Variants in GHRHR observed in about 807,000 individuals in gnomAD.
The protein encoded by GHRHR is growth hormone-releasing hormone receptor.
A neutral mutation model predicts 58.3 loss-of-function variants in GHRHR; 40 were observed. That is an observed-to-expected ratio of 0.69 (90% CI 0.53 to 0.89). The LOEUF is 0.89. Ranked by LOEUF, GHRHR falls within the 40% of genes least tolerant of loss-of-function variation. The probability of loss-of-function intolerance (pLI) is 0.00; values close to 1 mark genes in which losing one functional copy is unlikely to be tolerated. For synonymous variants in GHRHR, 249 were observed against 216.6 expected, an observed-to-expected ratio of 1.15 and a Z score of -1.31; for missense variants, 551 against 541.3, an observed-to-expected ratio of 1.02 and a Z score of -0.18.
chr7:30,974,730 G>C (rs1028935998), intron 8 of GHRHR, among the ~76,000 whole-genome samples: 14 of 152,158 alleles, frequency 9.2e-5, no homozygotes, highest in African/African-American at 3.4e-4. Flanking sequence ...AGCTGCCAGG[G>C]GGCCAGCAAG....
chr7:30,977,354 G>A, intron 12 of GHRHR, 32 bp downstream of exon 12: 1 of 1,602,796 alleles, frequency 6.2e-7, no homozygotes, highest in African/African-American at 1.3e-5. Context: ...CCCTCATGGA[G>A]TCCCCCTCCC....
At chr7:30,969,673 G>C in intron 3 of GHRHR, 194 bp from the exon 4 acceptor site, 1 of 653,218 alleles carries the variant, frequency 1.5e-6, no homozygotes, top group Non-Finnish European at 2.8e-6. Context: ...TTTGAAGCCA[G>C]AGAAGGAAGG....
chr7:30,971,497 C>A (rs1469158432), intron 5 of GHRHR, among the ~76,000 whole-genome samples: 1 of 152,206 alleles, frequency 6.6e-6, no homozygotes, highest in Non-Finnish European at 1.5e-5. Flanking sequence ...CAGCTCCTAT[C>A]TGCATCTGAC....
At chr7:30,968,767 A>G (rs1792411702) in intron 1 of GHRHR, 67 bp from the exon 2 acceptor site, 2 of 1,024,758 alleles carry the variant, frequency 2.0e-6, no homozygotes, top group African/African-American at 3.1e-5. Flanking sequence ...TTCTCAGGTC[A>G]TGTGGACCAC....
chr7:30,974,008 C>A lies in GHRHR; in HGVS notation c.621C>A (p.Ala207=). 6.2e-7 allele frequency: 1 copy of A among 1,613,770 alleles called. No homozygotes were observed. Among genetic ancestry groups the A allele is most frequent in the Non-Finnish European group, 8.5e-7 (1 of 1,179,976 alleles). The change falls in exon 7 of 13, where the codon GCC becomes GCA. Residue 207 remains alanine, a synonymous_variant. Coordinates refer to ENST00000326139, the MANE Select transcript of GHRHR (RefSeq NM_000823.4). Reference sequence around the variant, plus strand: ...AGGTTCTATGCAAGGTCTCTGTGGCCGCCTCCCATTTCGCCACCATGACCA... The same window carrying A: ...AGGTTCTATGCAAGGTCTCTGTGGCAGCCTCCCATTTCGCCACCATGACCA... The part of the protein sequence containing the change: ...FSTVLCKVSV[A]ASHFATMTNF...
At chr7:30,964,773 C>T (rs971749330) in intron 1 of GHRHR, among the ~76,000 whole-genome samples, 3 of 152,270 alleles carry the variant, frequency 2.0e-5, no homozygotes, top group East Asian at 1.9e-4. Context: ...TGGGCTAGAG[C>T]GCTGGAGCAC....
chr7:30,964,945 T>C (rs1792311333), intron 1 of GHRHR, among the ~76,000 whole-genome samples: 1 of 152,166 alleles, frequency 6.6e-6, no homozygotes, highest in South Asian at 2.1e-4. Context: ...TGGAGGGTGC[T>C]GCCCCTCCCG....
At position 30,975,058 on chromosome 7, in the gene GHRHR, T is replaced by C. The variant is rs34430645; in HGVS notation, c.882+18T>C. The C allele has an allele frequency of 1.1e-5, 17 of 1,559,726 alleles. No individual in the cohort carries two copies. Among genetic ancestry groups the C allele is most frequent in the Non-Finnish European group, 1.5e-5 (17 of 1,130,312 alleles). ...CGGTCGGGGTCAGTCCCTGGGCCAG[T>C]GCCCTTTGCTTTATTCAGTCAACTT... is the stretch of plus-strand genomic sequence containing the variant. On this transcript the variant is annotated intron_variant, in intron 9 of 12. Transcript: ENST00000326139.
intron 1 of GHRHR, among the ~76,000 whole-genome samples, chr7:30,965,463 C>T (rs551683386): frequency 6.6e-6 from 1 of 152,284 alleles, no homozygotes; most frequent in East Asian, 1.9e-4. Context: ...TTCGCCAGTC[C>T]TAATTCAGCA....
At position 30,976,477 on chromosome 7, in the gene GHRHR, C is replaced by T. The variant is rs1002859620; in HGVS notation, c.1023C>T (p.His341=). 1 of 1,612,974 alleles carries T rather than the reference C, an allele frequency of 6.2e-7. No individual in the cohort carries two copies. Among genetic ancestry groups the T allele is most frequent in the African/African-American group, 1.3e-5 (1 of 74,916 alleles). The stretch of plus-strand genomic sequence containing the variant: ...TCCTGATCCCACTCTTTGGAATTCA[C>T]TACATCATCTTCAACTTCCTGCCAG... ...TLFLIPLFGI[H]YIIFNFLPDN... Residue 341 remains histidine, a synonymous_variant, in exon 11 of 13, where the codon CAC becomes CAT. Coordinates refer to ENST00000326139, the MANE Select transcript of GHRHR (RefSeq NM_000823.4).
chr7:30,974,214 C>T (rs1792533016), intron 7 of GHRHR, 76 bp downstream of exon 7: 3 of 1,443,646 alleles, frequency 2.1e-6, no homozygotes, highest in South Asian at 2.3e-5. Flanking sequence ...CATAAAGGCC[C>T]CTCCACCTCA....
chr7:30,976,447 A>G lies in GHRHR; in HGVS notation c.993A>G (p.Thr331=), dbSNP rs1468191138. The stretch of plus-strand genomic sequence containing the variant: ...CCTGCAGGCGTCTCTCCAAGTCGAC[A>G]CTTTTCCTGATCCCACTCTTTGGAA... ...QSQYWRLSKS[T]LFLIPLFGIH... Residue 331 remains threonine, a synonymous_variant, in exon 11 of 13, where the codon ACA becomes ACG. Coordinates refer to ENST00000326139, the MANE Select transcript of GHRHR (RefSeq NM_000823.4). The G allele has an allele frequency of 1.2e-6, 2 of 1,613,672 alleles. No homozygotes were observed. The highest frequency in any genetic ancestry group is 1.1e-5 in the South Asian group (1 of 91,056).
rs746703614 is a variant in GHRHR, at chr7:30,969,907, G to C, written c.309G>C (p.Glu103Asp). 1.2e-6 allele frequency: 2 copies of C among 1,606,118 alleles called. No individual in the cohort carries two copies. The highest frequency in any genetic ancestry group is 2.2e-5 in the East Asian group (1 of 44,838). ...KRDCTITGWS[E>D]PFPPYPVACP... Reference sequence around the variant, plus strand: ...ATTGTACTATCACTGGCTGGTCTGAGCCCTTTCCACCTTACCCTGTGGCCT... The same window carrying C: ...ATTGTACTATCACTGGCTGGTCTGACCCCTTTCCACCTTACCCTGTGGCCT... Residue 103 changes from glutamate (E) to aspartate (D), a missense_variant, in exon 4 of 13, where the codon GAG (glutamate) becomes GAC (aspartate). Coordinates refer to ENST00000326139, the MANE Select transcript of GHRHR (RefSeq NM_000823.4).
At chr7:30,974,899 T>C in intron 8 of GHRHR, 72 bp from the exon 9 acceptor site, 1 of 974,968 alleles carries the variant, frequency 1.0e-6, no homozygotes. Flanking sequence ...CATGAATGCC[T>C]GAGAGGGAGG....
intron 10 of GHRHR, 48 bp downstream of exon 10, chr7:30,975,916 G>C (rs746138376): frequency 2.3e-5 from 23 of 1,013,632 alleles, no homozygotes; most frequent in Admixed American, 2.0e-4. Context: ...TAACTGGAGG[G>C]GGATTCAATG....
intron 1 of GHRHR, among the ~76,000 whole-genome samples, chr7:30,968,106 T>C (rs1165352736): frequency 6.6e-6 from 1 of 152,178 alleles, no homozygotes; most frequent in South Asian, 2.1e-4. Context: ...ATAAGGAGCC[T>C]TGCGATTACA....
At position 30,972,998 on chromosome 7, in the gene GHRHR, T is replaced by TC. The variant is rs199981804; in HGVS notation, c.597+908dup. On this transcript the variant is annotated intron_variant, in intron 6 of 12. Transcript: ENST00000326139. ...TGAGAATTCAAGTATAACTTTTGTG[T>TC]CCCCCAAACTTAACTATTGATTGCC... is the stretch of plus-strand genomic sequence containing the variant. Among the ~76,000 whole-genome samples, 430 of 152,274 alleles carry TC rather than the reference T, an allele frequency of 2.8e-3. 1 individual carries two copies. The highest frequency in any genetic ancestry group is 9.8e-3 in the African/African-American group (407 of 41,548).
rs376258046 is a variant in GHRHR at position 30,969,878 on chromosome 7, C to T, written c.280C>T (p.Arg94Trp). Reference protein sequence around the residue: ...HFSSESGAVKRDCTITGWSEP... With the variant: ...HFSSESGAVKWDCTITGWSEP... ...TGCTTGCCTCCCAGGGGCTGTGAAA[C>T]GGGATTGTACTATCACTGGCTGGTC... Residue 94 changes from arginine to tryptophan, a missense_variant, in exon 4 of 13, where the codon CGG becomes TGG. Arg to Trp is a moderately radical substitution (Grantham distance 101, BLOSUM62 -3). Transcript: ENST00000326139. 2.6e-5 allele frequency: 42 copies of T among 1,612,740 alleles called. No homozygotes were observed. Among genetic ancestry groups the T allele is most frequent in the Admixed American group, 1.5e-4 (9 of 60,000 alleles).
At position 30,968,873 on chromosome 7, in the gene GHRHR, C is replaced by T; in HGVS notation, c.97C>T (p.Gln33Ter). 6.2e-7 allele frequency: 1 copy of T among 1,613,906 alleles called. No homozygotes were observed. The highest frequency in any genetic ancestry group is 8.5e-7 in the Non-Finnish European group (1 of 1,179,900). The change falls in exon 2 of 13, where the codon CAG (glutamine) becomes TAG (stop). Residue 33 changes from glutamine (Q) to a stop codon, truncating the protein, a stop_gained. Coordinates refer to ENST00000326139, the MANE Select transcript of GHRHR (RefSeq NM_000823.4). LOFTEE classifies it high-confidence loss of function. Reference sequence around the variant, plus strand: ...GCACCCAGAATGTGACTTCATCACCCAGCTGAGAGAGGATGAGAGTGCCTG... The same window carrying T: ...GCACCCAGAATGTGACTTCATCACCTAGCTGAGAGAGGATGAGAGTGCCTG... ...HMHPECDFIT[Q>*]LREDESACLQ...
Sources: allele counts gnomAD v4.1 joint callset (sites outside exome capture counted in the v4.1 genomes callset), GRCh38; gene constraint gnomAD v4.1.1; transcripts MANE v1.5; gene names NCBI Gene and HGNC (gene_info 2026-07-23, HGNC 2026-07-21).